The following SIPA1L1 variants were observed in gnomAD, a reference collection of about 807,000 sequenced individuals.
SIPA1L1 encodes signal induced proliferation associated 1 like 1, also known as signal-induced proliferation-associated 1-like protein 1.
A neutral mutation model predicts 162.7 loss-of-function variants in SIPA1L1; 26 were observed. The observed-to-expected ratio is 0.16, with a 90% CI of 0.12 to 0.22. The LOEUF (loss-of-function observed/expected upper bound fraction) is 0.22. Among genes scored for constraint, SIPA1L1 ranks in the 10% least tolerant of loss-of-function variants. The pLI is 1.00. For synonymous variants in SIPA1L1, 829 were observed against 837.4 expected (o/e 0.99, Z 0.17); for missense variants, 1,874 against 2,241.0 (o/e 0.84, Z 3.31).
chr14:71,729,907 G>C, intron 19 of SIPA1L1, 148 bp from the exon 20 acceptor site: 1 of 868,096 alleles, frequency 1.2e-6, no homozygotes, highest in Non-Finnish European at 1.8e-6. Context: ...AGCTCCTTGA[G>C]GTTGTAGAAA....
chr14:71,739,197 C>G lies in SIPA1L1; in HGVS notation c.*36C>G. 2 of 1,580,844 alleles carry G rather than the reference C, an allele frequency of 1.3e-6. No homozygotes were observed. The highest frequency in any genetic ancestry group is 1.7e-6 in the Non-Finnish European group (2 of 1,160,404). On this transcript the variant is annotated 3_prime_UTR_variant, in exon 24 of 24. Transcript: ENST00000381232. ...GGAGGACAGGAGAAGGGCCCAGACA[C>G]TCCCTCCAGTGAGTGTCCTGCAGCC...
At chr14:71,609,736 G>A (rs1323096146) in intron 5 of SIPA1L1, among the ~76,000 whole-genome samples, 2 of 151,900 alleles carry the variant, frequency 1.3e-5, no homozygotes, top group African/African-American at 2.4e-5. Flanking sequence ...CAAAGTGTTC[G>A]GATTACAGGC....
intron 7 of SIPA1L1, among the ~76,000 whole-genome samples, chr14:71,624,872 G>T (rs1161581234): frequency 6.6e-6 from 1 of 152,082 alleles, no homozygotes; most frequent in Non-Finnish European, 1.5e-5. Flanking sequence ...TTCTAGCCAA[G>T]ATTTTTAAAT....
intron 2 of SIPA1L1, among the ~76,000 whole-genome samples, chr14:71,328,637 C>A (rs1270923869): frequency 2.0e-5 from 3 of 151,984 alleles, no homozygotes; most frequent in Non-Finnish European, 4.4e-5. Context: ...TTGTAGAGGC[C>A]CATTGATTCA....
chr14:71,385,218 A>G (rs942661452), intron 2 of SIPA1L1, among the ~76,000 whole-genome samples: 3 of 152,218 alleles, frequency 2.0e-5, no homozygotes, highest in Admixed American at 6.5e-5. Context: ...CCAACAGGGT[A>G]GAGACAGTCT....
intron 3 of SIPA1L1, among the ~76,000 whole-genome samples, chr14:71,526,862 C>T (rs1035843561): frequency 6.6e-6 from 1 of 152,160 alleles, no homozygotes; most frequent in Non-Finnish European, 1.5e-5. Context: ...TGCACATTCC[C>T]AGGAGGCATT....
At chr14:71,733,963 AAG>A in intron 21 of SIPA1L1, 151 bp downstream of exon 21, 1 of 768,952 alleles carries the variant, frequency 1.3e-6, no homozygotes, top group Non-Finnish European at 2.0e-6. Flanking sequence ...ACCAGACCCT[AAG>A]CTGGACACCT....
chr14:71,585,231 T>C (rs1426843219), intron 4 of SIPA1L1, among the ~76,000 whole-genome samples: 1 of 151,736 alleles, frequency 6.6e-6, no homozygotes, highest in Non-Finnish European at 1.5e-5. Context: ...AAAAAAAATC[T>C]GTTATTTAAC....
chr14:71,458,067 A>AT (rs1274210407), intron 2 of SIPA1L1, among the ~76,000 whole-genome samples: 5 of 150,732 alleles, frequency 3.3e-5, no homozygotes, highest in Non-Finnish European at 4.4e-5. Flanking sequence ...GATCTAATTG[A>AT]TTTTTTTTTC....
At position 71,705,090 on chromosome 14, in the gene SIPA1L1, C is replaced by G. The variant is rs541704497; in HGVS notation, c.3647-132C>G. 3.4e-5 allele frequency: 24 copies of G among 708,842 alleles called. No individual in the cohort carries two copies. In the South Asian group the frequency reaches 4.1e-4, roughly 12 times the overall value. 43.9% of individuals were successfully genotyped at this position (708,842 alleles called of 1,614,324 possible). A position where few individuals can be genotyped will look rare whatever the true frequency, so the allele number is the denominator to read the frequency against. On this transcript the variant is annotated intron_variant, in intron 15 of 23. Transcript: ENST00000381232. ...TGCTGTCTATCAAATAGACTCTTAA[C>G]AAGCTTACTGCTGAAATGCAGAGTT...
intron 3 of SIPA1L1, among the ~76,000 whole-genome samples, chr14:71,516,888 G>A (rs1269440495): frequency 1.3e-5 from 2 of 152,160 alleles, no homozygotes; most frequent in African/African-American, 4.8e-5. Flanking sequence ...CAGGAGAATT[G>A]CTTGAACCTG....
chr14:71,611,383 T>TTTTAA (rs201662090), intron 5 of SIPA1L1, among the ~76,000 whole-genome samples: 61 of 152,302 alleles, frequency 4.0e-4, no homozygotes, highest in South Asian at 3.3e-3. Flanking sequence ...CTAGTTGTTA[T>TTTTAA]TTTAATTTAA....
At chr14:71,603,095 A>C (rs2036985969) in intron 5 of SIPA1L1, among the ~76,000 whole-genome samples, 1 of 152,160 alleles carries the variant, frequency 6.6e-6, no homozygotes, top group Admixed American at 6.5e-5. Flanking sequence ...GATCTATCTT[A>C]TATAATGGCC....
intron 4 of SIPA1L1, among the ~76,000 whole-genome samples, chr14:71,545,716 C>A (rs2055127254): frequency 6.6e-6 from 1 of 152,126 alleles, no homozygotes; most frequent in Admixed American, 6.5e-5. Context: ...CTAGCTAGAA[C>A]TTGCTGTGGA....
chr14:71,336,330 C>T (rs190460786), intron 2 of SIPA1L1, among the ~76,000 whole-genome samples: 37 of 152,236 alleles, frequency 2.4e-4, no homozygotes, highest in African/African-American at 7.0e-4. Context: ...AACTCCAAGC[C>T]CATTTGCAGT....
chr14:71,680,285 C>T (rs1446053917), intron 12 of SIPA1L1, among the ~76,000 whole-genome samples: 1 of 152,182 alleles, frequency 6.6e-6, no homozygotes, highest in Non-Finnish European at 1.5e-5. Context: ...CTCAAAACAG[C>T]TCAACTACAT....
rs372095254 is a variant in SIPA1L1 at position 71,491,937 on chromosome 14, G to A, written c.-464-20806G>A. Among the ~76,000 whole-genome samples, 30 of 152,144 alleles carry A rather than the reference G, an allele frequency of 2.0e-4. No individual in the cohort carries two copies. The South Asian group carries it at 5.8e-3, about 30-fold the overall frequency. The stretch of plus-strand genomic sequence containing the variant: ...TCATTTATTATAGTTCGGGTTGTGC[G>A]TGTGTGGGAAAAATGCTGTCCTGTT... On this transcript the variant is annotated intron_variant, in intron 2 of 23. Coordinates refer to ENST00000381232, the MANE Select transcript of SIPA1L1 (RefSeq NM_001386936.1).
At chr14:71,571,879 C>T (rs2147016952) in intron 4 of SIPA1L1, among the ~76,000 whole-genome samples, 1 of 150,520 alleles carries the variant, frequency 6.6e-6, no homozygotes, top group East Asian at 2.0e-4. Flanking sequence ...GTCTTGATCT[C>T]CTGACCTCAT....
chr14:71,343,502 A>G (rs1185067582), intron 2 of SIPA1L1, among the ~76,000 whole-genome samples: 1 of 152,188 alleles, frequency 6.6e-6, no homozygotes, highest in Non-Finnish European at 1.5e-5. Context: ...TCTTTGTATT[A>G]TGGAAGCAGT....
Sources: allele counts gnomAD v4.1 joint callset (sites outside exome capture counted in the v4.1 genomes callset), GRCh38; gene constraint gnomAD v4.1.1; transcripts MANE v1.5; gene names NCBI Gene and HGNC (gene_info 2026-07-23, HGNC 2026-07-21).